The following WWP1 variants were observed in gnomAD, a reference collection of about 807,000 sequenced individuals.
WWP1 encodes NEDD4-like E3 ubiquitin-protein ligase WWP1.
In WWP1, 49 loss-of-function variants were observed where a neutral mutation model predicts 130.6. The observed-to-expected ratio is 0.38, with a 90% confidence interval of 0.30 to 0.48. WWP1 has a LOEUF of 0.48. WWP1 is among the 20% of genes least tolerant of loss of function. The pLI, the probability that WWP1 is intolerant of heterozygous loss-of-function variation, is 0.99. For missense variants in WWP1, 809 were observed against 1,100.6 expected (o/e 0.74, Z 3.75); for synonymous variants, 332 against 367.8 (o/e 0.90, Z 1.11).
intron 21 of WWP1, 21 bp downstream of exon 21, chr8:86,452,700 T>C (rs1287982112): frequency 6.2e-7 from 1 of 1,609,850 alleles, no homozygotes; most frequent in South Asian, 1.1e-5. Context: ...TTTATTATGC[T>C]ATTGTAGGGA....
chr8:86,408,007 A>G (rs974243233), intron 8 of WWP1, among the ~76,000 whole-genome samples: 2 of 152,206 alleles, frequency 1.3e-5, no homozygotes, highest in African/African-American at 4.8e-5. Context: ...ACACCATTAC[A>G]GTATCATACA....
intron 1 of WWP1, among the ~76,000 whole-genome samples, chr8:86,354,841 A>T (rs1823163928): frequency 6.6e-6 from 1 of 152,112 alleles, no homozygotes; most frequent in African/African-American, 2.4e-5. Context: ...AGTGGTGGTG[A>T]TCAGGGTGGG....
intron 18 of WWP1, among the ~76,000 whole-genome samples, chr8:86,447,858 A>G (rs542362700): frequency 3.0e-4 from 46 of 152,328 alleles, no homozygotes; most frequent in African/African-American, 1.1e-3. Flanking sequence ...GGTTAATTCA[A>G]TTTATAAAAC....
At chr8:86,359,008 T>G (rs1489165757) in intron 1 of WWP1, among the ~76,000 whole-genome samples, 1 of 151,242 alleles carries the variant, frequency 6.6e-6, no homozygotes, top group Non-Finnish European at 1.5e-5. Flanking sequence ...AGGAGAAGAG[T>G]AGTGGGAGAA....
intron 12 of WWP1, 63 bp downstream of exon 12, chr8:86,430,814 T>C (rs1809906488): frequency 1.8e-6 from 1 of 542,476 alleles, no homozygotes; most frequent in African/African-American, 2.1e-5. Flanking sequence ...TATATATATA[T>C]ATATATATAT....
At chr8:86,410,345 C>T (rs1313558864) in intron 8 of WWP1, among the ~76,000 whole-genome samples, 2 of 152,140 alleles carry the variant, frequency 1.3e-5, no homozygotes, top group African/African-American at 4.8e-5. Context: ...TTTTCCATTG[C>T]TGCTCTGATT....
chr8:86,466,550 T>G (rs1363916383), intron 24 of WWP1, among the ~76,000 whole-genome samples: 1 of 151,996 alleles, frequency 6.6e-6, no homozygotes, highest in Non-Finnish European at 1.5e-5. Context: ...TTTTTTTTTT[T>G]TTAAATTTGT....
chr8:86,438,561 A>T (rs914044431), intron 16 of WWP1, 24 bp from the exon 17 acceptor site: 6 of 1,546,936 alleles, frequency 3.9e-6, no homozygotes, highest in African/African-American at 1.4e-5. Context: ...AGTATTTAAT[A>T]TTCATGTTTT....
intron 16 of WWP1, among the ~76,000 whole-genome samples, chr8:86,437,991 G>A (rs1167095976): frequency 1.3e-5 from 2 of 151,956 alleles, no homozygotes; most frequent in Admixed American, 6.6e-5. Flanking sequence ...TAGTAGAGAC[G>A]GGGTTTCACC....
intron 18 of WWP1, among the ~76,000 whole-genome samples, chr8:86,447,788 C>T (rs765075953): frequency 2.0e-5 from 3 of 152,088 alleles, no homozygotes; most frequent in South Asian, 2.1e-4. Context: ...GAGTAAGAAA[C>T]GAACGAGAGA....
Position 86,411,832 on chromosome 8 carries a change from G to A in WWP1, c.1019G>A (p.Arg340Gln), listed in dbSNP as rs751475642. ...RQPDGCMDPV[R>Q]QQSGNANTET... ...CCAGATGGGTGTATGGATCCTGTACGGCAGCAGTCTGGGAATGCCAACACA... is the reference window on the plus strand; with the variant it reads ...CCAGATGGGTGTATGGATCCTGTACAGCAGCAGTCTGGGAATGCCAACACA... Residue 340 changes from arginine (R) to glutamine (Q), a missense_variant, in exon 9 of 25, where the codon CGG (arginine) becomes CAG (glutamine). By Grantham distance (43) the Arg-to-Gln change is conservative. Coordinates refer to ENST00000517970, the MANE Select transcript of WWP1 (RefSeq NM_007013.4). 7.4e-6 allele frequency: 12 copies of A among 1,612,722 alleles called. No individual in the cohort carries two copies. The East Asian group carries it at 1.1e-4, about 15-fold the overall frequency.
At chr8:86,420,896 A>G (rs1213176919) in intron 9 of WWP1, among the ~76,000 whole-genome samples, 1 of 152,216 alleles carries the variant, frequency 6.6e-6, no homozygotes, top group East Asian at 1.9e-4. Flanking sequence ...AAACCAGGAA[A>G]TTTTGCTGTA....
chr8:86,436,134 T>C (rs1363060232), intron 16 of WWP1, among the ~76,000 whole-genome samples: 1 of 152,188 alleles, frequency 6.6e-6, no homozygotes, highest in African/African-American at 2.4e-5. Flanking sequence ...TAGCACTTAT[T>C]GTATCTCCAT....
intron 16 of WWP1, 49 bp from the exon 17 acceptor site, chr8:86,438,536 C>A (rs1369492016): frequency 2.2e-6 from 3 of 1,383,654 alleles, no homozygotes; most frequent in African/African-American, 2.9e-5. Flanking sequence ...TTGAAAGGAA[C>A]TTGTACTGCA....
At position 86,457,929 on chromosome 8, in the gene WWP1, G is replaced by C; in HGVS notation, c.2403G>C (p.Leu801Phe). Residue 801 changes from leucine to phenylalanine, a missense_variant, in exon 22 of 25, where the codon TTG becomes TTC. Transcript: ENST00000517970. ...CTGTGCTCATTTCCCAGGTTATGTT[G>C]TGTGGCATGCAGGAGGTTGACTTGG... ...YFDEKELEVM[L>F]CGMQEVDLAD... 6.2e-7 allele frequency: 1 copy of C among 1,613,020 alleles called. No individual in the cohort carries two copies. The highest frequency in any genetic ancestry group is 8.5e-7 in the Non-Finnish European group (1 of 1,179,242).
Position 86,461,939 on chromosome 8 carries a change from T to C in WWP1, c.2669+93T>C, listed in dbSNP as rs1811789463. 5.0e-6 allele frequency: 5 copies of C among 1,009,320 alleles called. No homozygotes were observed. In the East Asian group the frequency reaches 1.2e-4, roughly 24 times the overall value. 62.5% of individuals were successfully genotyped at this position (1,009,320 alleles called of 1,614,324 possible). On this transcript the variant is annotated intron_variant, in intron 24 of 24. Transcript: ENST00000517970. Reference sequence around the variant, plus strand: ...ATATGTAAGATCCAGTATAACTGCTTATTCATTAAAGTAGTCAGAATTTCA... The same window carrying C: ...ATATGTAAGATCCAGTATAACTGCTCATTCATTAAAGTAGTCAGAATTTCA...
intron 16 of WWP1, 71 bp from the exon 17 acceptor site, chr8:86,438,514 A>G: frequency 8.7e-7 from 1 of 1,153,056 alleles, no homozygotes; most frequent in Non-Finnish European, 1.2e-6. Context: ...TAGAGATTAA[A>G]TTTAAATTGT....
At chr8:86,408,644 A>G (rs969641250) in intron 8 of WWP1, among the ~76,000 whole-genome samples, 4 of 152,206 alleles carry the variant, frequency 2.6e-5, no homozygotes, top group African/African-American at 7.2e-5. Flanking sequence ...CTGGTTGTGC[A>G]GTGGCTTACG....
intron 7 of WWP1, among the ~76,000 whole-genome samples, chr8:86,400,575 G>A (rs1261853467): frequency 6.6e-6 from 1 of 152,062 alleles, no homozygotes; most frequent in African/African-American, 2.4e-5. Context: ...TCCAGACAGA[G>A]GAAACAGCAA....
Sources: allele counts gnomAD v4.1 joint callset (sites outside exome capture counted in the v4.1 genomes callset), GRCh38; gene constraint gnomAD v4.1.1; transcripts MANE v1.5; gene names NCBI Gene and HGNC (gene_info 2026-07-23, HGNC 2026-07-21).